The following DNAH8 variants were observed in gnomAD, a reference collection of about 807,000 sequenced individuals.
The protein encoded by DNAH8 is axonemal beta dynein heavy chain 8.
A neutral mutation model predicts 562.1 loss-of-function variants in DNAH8; 382 were observed. The ratio of observed to expected loss-of-function variants is 0.68; its 90% CI spans 0.63 to 0.74. The LOEUF (loss-of-function observed/expected upper bound fraction) is 0.74, where lower values mean the gene tolerates loss of function less well. Ranked by LOEUF, DNAH8 falls within the 30% of genes least tolerant of loss-of-function variation. The probability of loss-of-function intolerance (pLI) is 0.00; values close to 1 mark genes in which losing one functional copy is unlikely to be tolerated. For synonymous variants in DNAH8, 1,881 were observed against 1,919.4 expected, an observed-to-expected ratio of 0.98 and a Z score of 0.52; for missense variants, 5,203 against 5,620.4, an observed-to-expected ratio of 0.93 and a Z score of 2.37.
chr6:38,723,103 G>A lies in DNAH8; in HGVS notation c.294G>A (p.Ser98=). Residue 98 remains serine (S), a synonymous_variant, in exon 2 of 93, where the codon TCG becomes TCA. Coordinates refer to ENST00000327475, the MANE Select transcript of DNAH8 (RefSeq NM_001206927.2). Reference sequence around the variant, plus strand: ...CGCGACCGGTTCAGTCAGTGATTTCGGAAGTGCTGTCCTTGCCGTCTTCCC... The same window carrying A: ...CGCGACCGGTTCAGTCAGTGATTTCAGAAGTGCTGTCCTTGCCGTCTTCCC... ...LAPRPVQSVI[S]EVLSLPSSRR... is the part of the protein sequence containing the mutation. 1.2e-6 allele frequency: 2 copies of A among 1,612,840 alleles called. No individual in the cohort carries two copies. Among genetic ancestry groups the A allele is most frequent in the Non-Finnish European group, 1.7e-6 (2 of 1,179,898 alleles).
In DNAH8 at chr6:39,012,393, A is replaced by T. The variant is rs201330389; in HGVS notation, c.13524+26A>T. 2.6e-4 allele frequency: 412 copies of T among 1,608,056 alleles called. 1 individual carries two copies. The African/African-American group carries it at 5.1e-3, about 20-fold the overall frequency. ...GTGAGCTGTTATTACATCAGTAGGC[A>T]TTTCCTTCTTTGTTGATGTTTCTTA... On this transcript the variant is annotated intron_variant, in intron 90 of 92. Transcript: ENST00000327475.
At chr6:38,798,450 A>G (rs182535886) in intron 21 of DNAH8, among the ~76,000 whole-genome samples, 2 of 152,320 alleles carry the variant, frequency 1.3e-5, no homozygotes, top group African/African-American at 4.8e-5. Flanking sequence ...TCTTCTCAAG[A>G]AGAGATGGAG....
Position 38,860,647 on chromosome 6 carries a change from C to CA in DNAH8, c.6131+18_6131+19insA, listed in dbSNP as rs747237940. ...ACAGATAGGTAGGAAACCCAGTTTT[C>CA]GTTTTTTATTTTGTAATTTTAAAAT... is the stretch of plus-strand genomic sequence containing the variant. On this transcript the variant is annotated intron_variant, in intron 43 of 92. Coordinates refer to ENST00000327475, the MANE Select transcript of DNAH8 (RefSeq NM_001206927.2). 96 of 1,438,530 alleles carry CA rather than the reference C, an allele frequency of 6.7e-5. No individual in the cohort carries two copies. Among genetic ancestry groups the CA allele is most frequent in the Non-Finnish European group, 7.7e-5 (84 of 1,093,852 alleles). The allele number at this position is 1,438,530 out of a possible 1,614,324, so 89.1% of individuals were successfully genotyped here.
chr6:38,899,515 C>G (rs1026623254), intron 61 of DNAH8, among the ~76,000 whole-genome samples: 1 of 152,234 alleles, frequency 6.6e-6, no homozygotes, highest in Non-Finnish European at 1.5e-5. Flanking sequence ...TGAACACACA[C>G]ACAGAATAGT....
At chr6:38,897,684 G>A (rs1779794894) in intron 60 of DNAH8, among the ~76,000 whole-genome samples, 1 of 152,250 alleles carries the variant, frequency 6.6e-6, no homozygotes, top group East Asian at 1.9e-4. Flanking sequence ...GGGGAGTTGA[G>A]GTAGGAGGAG....
At position 39,022,175 on chromosome 6, in the gene DNAH8, G is replaced by A. The variant is rs142057367; in HGVS notation, c.13715-4371G>A. Among the ~76,000 whole-genome samples, 117 of 152,338 alleles carry A rather than the reference G, an allele frequency of 7.7e-4. 1 individual carries two copies. The East Asian group carries it at 0.017, about 22-fold the overall frequency. ...GAAAAAAATCATTTGGATTTTGTGT[G>A]TGTGGGTAAGTGGGGGGTAGCTGTC... On this transcript the variant is annotated intron_variant, in intron 91 of 92. Coordinates refer to ENST00000327475, the MANE Select transcript of DNAH8 (RefSeq NM_001206927.2).
chr6:38,954,284 C>T (rs1190474765), intron 82 of DNAH8, among the ~76,000 whole-genome samples: 8 of 151,994 alleles, frequency 5.3e-5, no homozygotes, highest in Non-Finnish European at 7.4e-5. Context: ...TAAAAACAAA[C>T]GAAAGAGAAC....
intron 79 of DNAH8, among the ~76,000 whole-genome samples, chr6:38,942,208 A>G (rs1235034864): frequency 6.6e-6 from 1 of 152,214 alleles, no homozygotes; most frequent in Non-Finnish European, 1.5e-5. Context: ...GGCTGAATGG[A>G]CAAAGATACC....
At chr6:38,779,038 C>T (rs1407327912) in intron 14 of DNAH8, among the ~76,000 whole-genome samples, 1 of 152,190 alleles carries the variant, frequency 6.6e-6, no homozygotes, top group Admixed American at 6.5e-5. Flanking sequence ...AATCTTCTCT[C>T]CTTTAGCTTC....
chr6:38,805,496 T>C lies in DNAH8; in HGVS notation c.3050T>C (p.Val1017Ala), dbSNP rs997370856. The C allele has an allele frequency of 6.2e-7, 1 of 1,606,808 alleles. No homozygotes were observed. The highest frequency in any genetic ancestry group is 8.5e-7 in the Non-Finnish European group (1 of 1,173,692). ...TTGTCTATAGAACAGCGGAAACACG[T>C]TGTTTTTGGAAGTGAAACAGGAGAG... ...VGKQSEQRKH[V>A]VFGSETGEGE... is the part of the protein sequence containing the mutation. Residue 1017 changes from valine (V) to alanine (A), a missense_variant, in exon 23 of 93, where the codon GTT (valine) becomes GCT (alanine). This residue lies in a region of DNAH8 where 2,176 missense variants were observed against 2,365.1 expected (regional missense o/e 0.92). Coordinates refer to ENST00000327475, the MANE Select transcript of DNAH8 (RefSeq NM_001206927.2).
At chr6:38,828,998 G>A (rs922681071) in intron 30 of DNAH8, among the ~76,000 whole-genome samples, 18 of 152,006 alleles carry the variant, frequency 1.2e-4, no homozygotes, top group South Asian at 2.1e-4. Flanking sequence ...ATGGTCTTTC[G>A]TAACTTGATT....
At position 38,832,418 on chromosome 6, in the gene DNAH8, G is replaced by T; in HGVS notation, c.4285G>T (p.Ala1429Ser). The change falls in exon 31 of 93, where the codon GCA becomes TCA. Residue 1429 changes from alanine (A) to serine (S), a missense_variant. By Grantham distance (99) the Ala-to-Ser change is moderately conservative. This residue lies in a region of DNAH8 where 2,176 missense variants were observed against 2,365.1 expected (regional missense o/e 0.92). Coordinates refer to ENST00000327475, the MANE Select transcript of DNAH8 (RefSeq NM_001206927.2). ...EVFREDVINFAEAYELEGPMV... is the reference protein window; with the variant it reads ...EVFREDVINFSEAYELEGPMV... Reference sequence around the variant, plus strand: ...TTTTCGTGAGGACGTGATAAACTTTGCAGAAGCATATGAATTGGTAATTTA... The same window carrying T: ...TTTTCGTGAGGACGTGATAAACTTTTCAGAAGCATATGAATTGGTAATTTA... The T allele has an allele frequency of 6.2e-7, 1 of 1,603,844 alleles. No homozygotes were observed.
At chr6:38,732,547 G>A (rs1023195685) in intron 4 of DNAH8, among the ~76,000 whole-genome samples, 1 of 152,130 alleles carries the variant, frequency 6.6e-6, no homozygotes, top group Non-Finnish European at 1.5e-5. Context: ...GCAGTGTTTC[G>A]GGAGGCGGAA....
intron 48 of DNAH8, among the ~76,000 whole-genome samples, chr6:38,869,976 G>A (rs983997408): frequency 2.6e-5 from 4 of 152,190 alleles, no homozygotes. Context: ...CCACATGGCT[G>A]GGGAGGCCTC....
intron 24 of DNAH8, among the ~76,000 whole-genome samples, chr6:38,811,686 G>A (rs570775059): frequency 1.9e-4 from 29 of 152,106 alleles, no homozygotes; most frequent in African/African-American, 5.5e-4. Flanking sequence ...TTTCTGTTTC[G>A]TTTTTGGATT....
chr6:38,982,890 GTCAT>G, intron 86 of DNAH8, among the ~76,000 whole-genome samples: 1 of 152,160 alleles, frequency 6.6e-6, no homozygotes, highest in Non-Finnish European at 1.5e-5. Context: ...TCTAGTAATG[GTCAT>G]TCATCATCAT....
At chr6:38,715,679 A>G (rs1027063887) in intron 1 of DNAH8, among the ~76,000 whole-genome samples, 3 of 150,018 alleles carry the variant, frequency 2.0e-5, no homozygotes, top group Admixed American at 1.3e-4. Context: ...CAAATACCGC[A>G]CGTTCTCACC....
At chr6:38,837,866 C>T in intron 32 of DNAH8, 76 bp from the exon 33 acceptor site, 1 of 1,068,322 alleles carries the variant, frequency 9.4e-7, no homozygotes, top group Non-Finnish European at 1.4e-6. Context: ...TAGCTTTTAT[C>T]CCAATGAAAA....
At position 38,887,321 on chromosome 6, in the gene DNAH8, C is replaced by T. The variant is rs59957386; in HGVS notation, c.8473+317C>T. On this transcript the variant is annotated intron_variant, in intron 57 of 92. Transcript: ENST00000327475. ...TGATAGCACAAAGATCACAGATTAA[C>T]GATATATTATACAAAGTCAAATGTA... Among the ~76,000 whole-genome samples the T allele has an allele frequency of 4.6e-5, 7 of 152,188 alleles. No individual in the cohort carries two copies. In the East Asian group the frequency reaches 1.2e-3, roughly 25 times the overall value.
Sources: gnomAD v4.1 joint callset for allele counts (sites outside exome capture counted in the v4.1 genomes callset) on GRCh38, gnomAD v4.1.1 for gene constraint, gnomAD v4.1.1 regional missense constraint, MANE v1.5 for transcripts, NCBI Gene and HGNC (gene_info 2026-07-23, HGNC 2026-07-21) for gene names.